The following GREB1L variants were observed in gnomAD, a reference collection of about 807,000 sequenced individuals.
GREB1L encodes the protein GREB1 like retinoic acid receptor coactivator.
A neutral mutation model predicts 200.8 loss-of-function variants in GREB1L; 17 were observed. That is an observed-to-expected ratio of 0.08 (90% CI 0.06 to 0.13). GREB1L has a LOEUF of 0.13. Ranked by LOEUF, GREB1L falls within the 10% of genes least tolerant of loss-of-function variation. The pLI, the probability that GREB1L is intolerant of heterozygous loss-of-function variation, is 1.00. For missense variants in GREB1L, 1,657 were observed against 2,367.7 expected, an observed-to-expected ratio of 0.70 and a Z score of 6.23; for synonymous variants, 789 against 893.0, an observed-to-expected ratio of 0.88 and a Z score of 2.08.
chr18:21,369,979 A>C (rs1286989297), intron 2 of GREB1L, among the ~76,000 whole-genome samples: 1 of 151,616 alleles, frequency 6.6e-6, no homozygotes, highest in Non-Finnish European at 1.5e-5. Context: ...GAAAAGAAAA[A>C]AGAAATTCAT....
chr18:21,511,378 T>C (rs1051803544), intron 27 of GREB1L, among the ~76,000 whole-genome samples: 9 of 151,490 alleles, frequency 5.9e-5, no homozygotes, highest in Admixed American at 2.0e-4. Flanking sequence ...AAAAAAAAAA[T>C]TTTTCTCCCA....
intron 2 of GREB1L, among the ~76,000 whole-genome samples, chr18:21,374,429 C>T (rs1297614084): frequency 6.6e-6 from 1 of 152,174 alleles, no homozygotes; most frequent in Non-Finnish European, 1.5e-5. Flanking sequence ...GTGTGGAAGG[C>T]ATTAGGCCAC....
intron 1 of GREB1L, among the ~76,000 whole-genome samples, chr18:21,313,885 A>G (rs1164989253): frequency 1.3e-5 from 2 of 152,232 alleles, no homozygotes; most frequent in Non-Finnish European, 2.9e-5. Flanking sequence ...TACAAAGAAT[A>G]AAAAACAACA....
chr18:21,442,032 C>T (rs1418588222), intron 10 of GREB1L, among the ~76,000 whole-genome samples: 1 of 152,188 alleles, frequency 6.6e-6, no homozygotes, highest in Admixed American at 6.5e-5. Context: ...AGAAATGAAA[C>T]AAGCCAAGCC....
chr18:21,268,558 CACATATAT>C (rs1454605938), intron 1 of GREB1L, among the ~76,000 whole-genome samples: 99 of 86,662 alleles, frequency 1.1e-3, no homozygotes, highest in Non-Finnish European at 1.7e-3. Context: ...CACACACACA[CACATATAT>C]ATATATATAT....
intron 1 of GREB1L, among the ~76,000 whole-genome samples, chr18:21,271,990 G>C (rs964982024): frequency 7.9e-5 from 12 of 152,194 alleles, no homozygotes; most frequent in African/African-American, 2.9e-4. Context: ...TGTTAGCAAA[G>C]AAGTGGGGGT....
intron 17 of GREB1L, 49 bp from the exon 18 acceptor site, chr18:21,485,571 C>A (rs148337234): frequency 1.9e-5 from 28 of 1,482,944 alleles, no homozygotes; most frequent in African/African-American, 2.8e-5. Flanking sequence ...GAAAACAAGA[C>A]ACACTGTATC....
intron 1 of GREB1L, among the ~76,000 whole-genome samples, chr18:21,333,873 T>A (rs2039145231): frequency 6.6e-6 from 1 of 151,814 alleles, no homozygotes. Context: ...TCCCAGCTAC[T>A]TGGGAGACTA....
chr18:21,500,505 C>T (rs929120581), intron 22 of GREB1L, 35 bp from the exon 23 acceptor site: 5 of 1,424,056 alleles, frequency 3.5e-6, no homozygotes, highest in Non-Finnish European at 3.9e-6. Flanking sequence ...TCTTTCCCGC[C>T]TCCACTCCTC....
rs539390427 is a variant in GREB1L, at chr18:21,516,859, G to A, written c.5271+105G>A. ...AAGCACTTTCTATTTTATTAGAAAA[G>A]TGAAATAACACAAGGGAGTTTTTTT... is the stretch of plus-strand genomic sequence containing the variant. On this transcript the variant is annotated intron_variant, in intron 30 of 32. Coordinates refer to ENST00000424526, the MANE Select transcript of GREB1L (RefSeq NM_001142966.3). The A allele has an allele frequency of 8.4e-6, 7 of 834,202 alleles. No homozygotes were observed. In the Admixed American group the frequency reaches 9.3e-5, roughly 11 times the overall value. The allele number at this position is 834,202 out of a possible 1,614,324, so 51.7% of individuals were successfully genotyped here.
chr18:21,411,521 T>A (rs896013318), intron 7 of GREB1L, among the ~76,000 whole-genome samples: 17 of 152,118 alleles, frequency 1.1e-4, no homozygotes, highest in South Asian at 2.1e-4. Context: ...TTGGCAAGGA[T>A]TTCAAGTAAT....
intron 16 of GREB1L, among the ~76,000 whole-genome samples, chr18:21,475,884 A>G (rs1179242306): frequency 7.0e-6 from 1 of 143,786 alleles, no homozygotes; most frequent in Non-Finnish European, 1.5e-5. Flanking sequence ...CAGGAGAATC[A>G]CTTGAACCCA....
At chr18:21,464,502 C>G (rs532137313) in intron 15 of GREB1L, among the ~76,000 whole-genome samples, 1 of 148,810 alleles carries the variant, frequency 6.7e-6, no homozygotes, top group East Asian at 2.0e-4. Context: ...CGAGATCGCG[C>G]CACTGCACTC....
intron 9 of GREB1L, 110 bp downstream of exon 9, chr18:21,440,498 A>G (rs2033837762): frequency 9.5e-7 from 1 of 1,047,958 alleles, no homozygotes; most frequent in East Asian, 2.6e-5. Flanking sequence ...GAGGATATTG[A>G]TAGTAGCTAA....
At chr18:21,382,940 AGT>A (rs1206711979) in intron 2 of GREB1L, among the ~76,000 whole-genome samples, 2 of 152,350 alleles carry the variant, frequency 1.3e-5, no homozygotes, top group East Asian at 3.9e-4. Context: ...AAGAAATAAC[AGT>A]GTTTTTCAAA....
chr18:21,270,913 T>C (rs548323337), intron 1 of GREB1L, among the ~76,000 whole-genome samples: 2 of 152,318 alleles, frequency 1.3e-5, no homozygotes, highest in Admixed American at 6.5e-5. Context: ...TCCTTAGACA[T>C]ATATGCTATG....
chr18:21,454,049 G>A (rs1331735451), intron 14 of GREB1L, among the ~76,000 whole-genome samples: 1 of 152,208 alleles, frequency 6.6e-6, no homozygotes, highest in Non-Finnish European at 1.5e-5. Flanking sequence ...CTCCAGCTGC[G>A]ACAGTGTAGT....
intron 1 of GREB1L, 90 bp from the exon 2 acceptor site, chr18:21,365,937 T>C (rs1431490167): frequency 6.6e-6 from 1 of 152,042 alleles, no homozygotes; most frequent in African/African-American, 2.4e-5. Context: ...CATGGAATTA[T>C]AAATATTTAG....
intron 27 of GREB1L, among the ~76,000 whole-genome samples, chr18:21,512,801 C>T (rs2037287740): frequency 6.6e-6 from 1 of 152,046 alleles, no homozygotes; most frequent in Non-Finnish European, 1.5e-5. Flanking sequence ...GTGGGCTTTT[C>T]ATATATGGCC....
Sources: gnomAD v4.1 joint callset for allele counts (sites outside exome capture counted in the v4.1 genomes callset) on GRCh38, gnomAD v4.1.1 for gene constraint, MANE v1.5 for transcripts, NCBI Gene and HGNC (gene_info 2026-07-23, HGNC 2026-07-21) for gene names.